The following ANO2 variants were observed in gnomAD, a reference collection of about 807,000 sequenced individuals.
ANO2 encodes anoctamin 2, also known as anoctamin-2.
ANO2 carries 101 observed loss-of-function variants against 124.2 expected under a neutral mutation model. That is an observed-to-expected ratio of 0.81 (90% CI 0.69 to 0.96). ANO2 has a LOEUF of 0.96. Among genes scored for constraint, ANO2 ranks in the 40% least tolerant of loss-of-function variants. The pLI, the probability that ANO2 is intolerant of heterozygous loss-of-function variation, is 0.00. For synonymous variants in ANO2, 486 were observed against 482.5 expected (o/e 1.01, Z -0.09); for missense variants, 1,293 against 1,274.5 (o/e 1.01, Z -0.22).
In ANO2 at chr12:5,921,261, A is replaced by T. The variant is rs767167851; in HGVS notation, c.313T>A (p.Tyr105Asn). The T allele has an allele frequency of 1.1e-5, 18 of 1,614,006 alleles. No homozygotes were observed. The highest frequency in any genetic ancestry group is 1.4e-5 in the Non-Finnish European group (17 of 1,179,886). The change falls in exon 3 of 25, where the codon TAC becomes AAC. Residue 105 changes from tyrosine to asparagine, a missense_variant. Tyr to Asn is a moderately radical substitution (Grantham distance 143, BLOSUM62 -2). Coordinates refer to ENST00000682330, the MANE Select transcript of ANO2 (RefSeq NM_001364791.2). ...TGCACCCCGCGTTTCCGGTAGTGGT[A>T]GGCAAGTACATAGTCGACCTTCCTC... ...SQRKVDYVLAYHYRKRGVHLA... is the reference protein window; with the variant it reads ...SQRKVDYVLANHYRKRGVHLA...
chr12:5,925,109 T>C lies in ANO2; in HGVS notation c.23-2305A>G, dbSNP rs1390806179. On this transcript the variant is annotated intron_variant, in intron 1 of 24. Transcript: ENST00000682330. This position sits in a 1 kb window ranked among gnomAD's most constrained non-coding sequence, Gnocchi z 4.6. ...CAGAGAAGACCTGGAAACCTCTAGA[T>C]GCATGTCTAAAAAGCCCAAGACCAC... 2.0e-5 allele frequency among the ~76,000 whole-genome samples: 3 copies of C among 152,060 alleles called. No individual in the cohort carries two copies. Among genetic ancestry groups the C allele is most frequent in the Admixed American group, 2.0e-4 (3 of 15,272 alleles).
chr12:5,744,165 GC>G lies in ANO2; in HGVS notation c.1342del (p.Ala448LeufsTer24). 6.2e-7 allele frequency: 1 copy of G among 1,613,244 alleles called. No individual in the cohort carries two copies. Among genetic ancestry groups the G allele is most frequent in the Non-Finnish European group, 8.5e-7 (1 of 1,179,876 alleles). On this transcript the variant is annotated frameshift_variant, in exon 12 of 25. Transcript: ENST00000682330. LOFTEE classifies it high-confidence loss of function. ...PATVFFSIFM[A>X]LWATMFLENW... ...TGGTGATGGCCACATACCCCACAGA[GC>G]CATGAAGATAGAGAAGAAGACGGTG...
chr12:5,610,069 TTA>T (rs1250174259), intron 19 of ANO2, among the ~76,000 whole-genome samples: 1 of 135,590 alleles, frequency 7.4e-6, no homozygotes, highest in South Asian at 2.2e-4. Flanking sequence ...AATATTTATG[TTA>T]TATATAATAT....
intron 14 of ANO2, among the ~76,000 whole-genome samples, chr12:5,695,552 C>A (rs1345850544): frequency 6.6e-6 from 1 of 152,230 alleles, no homozygotes; most frequent in Non-Finnish European, 1.5e-5. Context: ...CTAAATAACT[C>A]ACAGAGGGCT....
chr12:5,747,366 A>G (rs1479809421), intron 11 of ANO2, among the ~76,000 whole-genome samples: 1 of 152,206 alleles, frequency 6.6e-6, no homozygotes, highest in African/African-American at 2.4e-5. Flanking sequence ...ATTGGTTTTT[A>G]GAGAATATCC....
At chr12:5,627,779 G>C (rs1591769389) in intron 16 of ANO2, among the ~76,000 whole-genome samples, 1 of 152,106 alleles carries the variant, frequency 6.6e-6, no homozygotes, top group East Asian at 1.9e-4. Flanking sequence ...TAGAATTGGA[G>C]GAAAAGTTTA....
chr12:5,598,335 T>C (rs950104904), intron 20 of ANO2, among the ~76,000 whole-genome samples: 3 of 152,204 alleles, frequency 2.0e-5, no homozygotes, highest in African/African-American at 7.2e-5. Flanking sequence ...ATGTTTAGAA[T>C]GTTTAGACAT....
At chr12:5,914,227 G>A (rs1941245710) in intron 3 of ANO2, among the ~76,000 whole-genome samples, 1 of 151,574 alleles carries the variant, frequency 6.6e-6, no homozygotes, top group South Asian at 2.1e-4. Flanking sequence ...AAAAGAAAGT[G>A]AGGCGACATT....
intron 3 of ANO2, among the ~76,000 whole-genome samples, chr12:5,864,499 G>A (rs187942659): frequency 2.6e-5 from 4 of 152,318 alleles, no homozygotes; most frequent in Admixed American, 2.6e-4. Flanking sequence ...AAATTGTTCT[G>A]GACAGTCGCC....
intron 14 of ANO2, among the ~76,000 whole-genome samples, chr12:5,723,549 G>A (rs1343760889): frequency 6.7e-6 from 1 of 149,590 alleles, no homozygotes; most frequent in South Asian, 2.2e-4. Context: ...GGAGTGACTG[G>A]GGATGTGACT....
chr12:5,917,558 C>CT (rs1490593052), intron 3 of ANO2, among the ~76,000 whole-genome samples: 4 of 104,400 alleles, frequency 3.8e-5, no homozygotes, highest in African/African-American at 5.9e-5. Context: ...TTATTATTCT[C>CT]TTTTTTCTTT....
At chr12:5,610,214 T>C (rs1944435760) in intron 19 of ANO2, among the ~76,000 whole-genome samples, 2 of 95,576 alleles carry the variant, frequency 2.1e-5, no homozygotes, top group Admixed American at 1.0e-4. Context: ...TAAATACTTA[T>C]ATAAATATAT....
rs548411685 is a variant in ANO2, at chr12:5,641,958, T to TGG, written c.1620+5768_1620+5769insCC. Among the ~76,000 whole-genome samples, 67 of 152,350 alleles carry TGG rather than the reference T, an allele frequency of 4.4e-4. 1 individual carries two copies. In the East Asian group the frequency reaches 6.2e-3, roughly 14 times the overall value. ...CCATTGACCCAGTTTTTAGTATTTG[T>TGG]TGAATGGTGGTCCAGTGATCTATTT... On this transcript the variant is annotated intron_variant, in intron 15 of 24. Transcript: ENST00000682330.
intron 7 of ANO2, among the ~76,000 whole-genome samples, chr12:5,826,816 T>C (rs900408567): frequency 6.6e-6 from 1 of 152,150 alleles, no homozygotes; most frequent in Non-Finnish European, 1.5e-5. Context: ...GCTAACATCA[T>C]CATTATCATT....
At chr12:5,637,188 T>C (rs1435680700) in intron 15 of ANO2, among the ~76,000 whole-genome samples, 2 of 152,138 alleles carry the variant, frequency 1.3e-5, no homozygotes, top group Non-Finnish European at 2.9e-5. Context: ...ACATTTTCAC[T>C]TCCCATTTCT....
At chr12:5,849,001 C>T (rs771202004) in intron 4 of ANO2, among the ~76,000 whole-genome samples, 4 of 152,150 alleles carry the variant, frequency 2.6e-5, no homozygotes, top group Non-Finnish European at 5.9e-5. Flanking sequence ...GTATTACTCC[C>T]GTTTTGGAGA....
At chr12:5,818,447 T>TTATATATATATA (rs57443240) in intron 7 of ANO2, among the ~76,000 whole-genome samples, 10 of 82,946 alleles carry the variant, frequency 1.2e-4, no homozygotes, top group African/African-American at 2.8e-4. Flanking sequence ...TAAACTCATA[T>TTATATATATATA]TATATATATA....
chr12:5,625,884 G>A (rs142929415), intron 16 of ANO2, among the ~76,000 whole-genome samples: 17 of 152,234 alleles, frequency 1.1e-4, no homozygotes, highest in Middle Eastern at 3.4e-3. Flanking sequence ...CCCCAGATAA[G>A]GGAATTTATC....
At chr12:5,776,807 A>G (rs1255188430) in intron 10 of ANO2, among the ~76,000 whole-genome samples, 2 of 152,242 alleles carry the variant, frequency 1.3e-5, no homozygotes, top group Admixed American at 6.5e-5. Context: ...GTAGAATTTC[A>G]GCAGAACTTG....
Sources: allele counts gnomAD v4.1 joint callset (sites outside exome capture counted in the v4.1 genomes callset), GRCh38; gene constraint gnomAD v4.1.1; non-coding constraint Gnocchi (gnomAD v3.1); transcripts MANE v1.5; gene names NCBI Gene and HGNC (gene_info 2026-07-23, HGNC 2026-07-21).